CPD: variants seen among roughly 807,000 people sequenced by gnomAD.
CPD encodes carboxypeptidase D.
CPD carries 69 observed loss-of-function variants against 138.3 expected under a neutral mutation model. That is an observed-to-expected ratio of 0.50 (90% CI 0.41 to 0.61). The LOEUF is 0.61. CPD is among the 20% of genes least tolerant of loss of function. CPD has a pLI of 0.00. For missense variants in CPD, 1,432 were observed against 1,733.3 expected (o/e 0.83, Z 3.09); for synonymous variants, 651 against 642.1 (o/e 1.01, Z -0.21).
chr17:30,393,775 A>C (rs1439021763), intron 2 of CPD, among the ~76,000 whole-genome samples: 2 of 152,234 alleles, frequency 1.3e-5, no homozygotes, highest in Admixed American at 1.3e-4. Context: ...GGGAAGATGC[A>C]TCTGGTTCTG....
chr17:30,420,060 A>G (rs1304042770), intron 2 of CPD, among the ~76,000 whole-genome samples: 1 of 152,206 alleles, frequency 6.6e-6, no homozygotes, highest in Non-Finnish European at 1.5e-5. Flanking sequence ...ATCCACTAAA[A>G]ACAAGATGTG....
chr17:30,381,395 A>G (rs1217012568), intron 1 of CPD, among the ~76,000 whole-genome samples: 1 of 152,028 alleles, frequency 6.6e-6, no homozygotes, highest in Non-Finnish European at 1.5e-5. Context: ...TTGTGCTGTG[A>G]CCAAATATGA....
At chr17:30,433,104 C>T (rs1228060225) in intron 8 of CPD, among the ~76,000 whole-genome samples, 1 of 152,094 alleles carries the variant, frequency 6.6e-6, no homozygotes, top group Non-Finnish European at 1.5e-5. Flanking sequence ...GTCCTCCATC[C>T]TTCCACTTTT....
intron 2 of CPD, among the ~76,000 whole-genome samples, chr17:30,391,608 G>A (rs1235965788): frequency 6.6e-6 from 1 of 152,202 alleles, no homozygotes; most frequent in African/African-American, 2.4e-5. Flanking sequence ...CAAAGAGAGA[G>A]CTTTGGAATC....
chr17:30,401,485 C>T (rs1158927781), intron 2 of CPD, among the ~76,000 whole-genome samples: 2 of 150,798 alleles, frequency 1.3e-5, no homozygotes, highest in African/African-American at 4.9e-5. Context: ...TCTTCCTCTT[C>T]CTGTTATTAT....
intron 2 of CPD, among the ~76,000 whole-genome samples, chr17:30,388,705 C>T (rs1184593855): frequency 2.0e-5 from 3 of 152,158 alleles, no homozygotes; most frequent in African/African-American, 4.8e-5. Flanking sequence ...CAGCCCCAGC[C>T]GTGCCCCCTG....
chr17:30,388,678 C>T (rs965610479), intron 2 of CPD, among the ~76,000 whole-genome samples: 2 of 152,198 alleles, frequency 1.3e-5, no homozygotes, highest in African/African-American at 2.4e-5. Flanking sequence ...CAGCTCCCGC[C>T]GACTCAGTGG....
chr17:30,461,169 T>C lies in CPD; in HGVS notation c.3499-11T>C. Reference sequence around the variant, plus strand: ...ATTTTCCCACATTTGATTTTGAACTTTATATTCTAGGATTATAGTGTCACC... The same window carrying C: ...ATTTTCCCACATTTGATTTTGAACTCTATATTCTAGGATTATAGTGTCACC... On this transcript the variant is annotated splice_polypyrimidine_tract_variant and intron_variant, in intron 17 of 20. Transcript: ENST00000225719. 1 of 1,573,356 alleles carries C rather than the reference T, an allele frequency of 6.4e-7. No homozygotes were observed. Among genetic ancestry groups the C allele is most frequent in the Non-Finnish European group, 8.6e-7 (1 of 1,162,792 alleles).
In CPD at chr17:30,467,640, A is replaced by G. The variant is rs1913678350; in HGVS notation, c.*2826A>G. ...AATGGGATTTGCTGAATTAATGACT[A>G]TTGAATTTAAAACTAATTATGAGTT... On this transcript the variant is annotated 3_prime_UTR_variant, in exon 21 of 21. Transcript: ENST00000225719. 1.3e-5 allele frequency: 2 copies of G among 152,182 alleles called. No homozygotes were observed. The highest frequency in any genetic ancestry group is 6.5e-5 in the Admixed American group (1 of 15,274). 9.4% of individuals were successfully genotyped at this position (152,182 alleles called of 1,614,324 possible). A position where few individuals can be genotyped will look rare whatever the true frequency, so the allele number is the denominator to read the frequency against.
intron 2 of CPD, 82 bp downstream of exon 2, chr17:30,385,318 A>T: frequency 1.4e-6 from 2 of 1,456,522 alleles, no homozygotes; most frequent in South Asian, 1.4e-5. Flanking sequence ...AAAAGAAGAA[A>T]CTCTGTAGAA....
chr17:30,398,367 T>TA (rs1911564619), intron 2 of CPD, among the ~76,000 whole-genome samples: 1 of 152,352 alleles, frequency 6.6e-6, no homozygotes, highest in East Asian at 1.9e-4. Flanking sequence ...GGTGTGCCTG[T>TA]AACTGAATGT....
intron 6 of CPD, among the ~76,000 whole-genome samples, chr17:30,425,319 C>G (rs1487772457): frequency 6.6e-6 from 1 of 152,088 alleles, no homozygotes; most frequent in Non-Finnish European, 1.5e-5. Context: ...TGCTCTATTT[C>G]TTACAATGTC....
At chr17:30,461,368 C>G in intron 18 of CPD, 57 bp downstream of exon 18, 1 of 1,347,566 alleles carries the variant, frequency 7.4e-7, no homozygotes, top group Non-Finnish European at 9.8e-7. Context: ...CAGTGAAAAC[C>G]TTTATCAAAA....
intron 2 of CPD, 36 bp from the exon 3 acceptor site, chr17:30,420,805 C>T (rs754327664): frequency 2.3e-4 from 365 of 1,560,968 alleles, no homozygotes; most frequent in Non-Finnish European, 3.1e-4. Flanking sequence ...GAATTATTTT[C>T]CTTCTGAGAG....
Position 30,456,706 on chromosome 17 carries a change from G to A in CPD, c.3498+180G>A, listed in dbSNP as rs990127451. ...AAAATATAAAAATTAGCTGGGTGTG[G>A]TGGCAGACGCCCGTAATCCCAGCTA... On this transcript the variant is annotated intron_variant, in intron 17 of 20. Transcript: ENST00000225719. The A allele has an allele frequency of 1.3e-5, 7 of 530,854 alleles. No homozygotes were observed. The African/African-American group carries it at 1.3e-4, about 10-fold the overall frequency. 32.9% of individuals were successfully genotyped at this position (530,854 alleles called of 1,614,324 possible). A position where few individuals can be genotyped will look rare whatever the true frequency, so the allele number is the denominator to read the frequency against.
chr17:30,461,321 T>C lies in CPD; in HGVS notation c.3630+10T>C. On this transcript the variant is annotated intron_variant, in intron 18 of 20. Coordinates refer to ENST00000225719, the MANE Select transcript of CPD (RefSeq NM_001304.5). ...TAGTATGTTAGTGGAGGTGAGTCTT[T>C]TCCTTTTAACTAGAGGCAAACTCCC... 2 of 1,555,602 alleles carry C rather than the reference T, an allele frequency of 1.3e-6. No homozygotes were observed. Among genetic ancestry groups the C allele is most frequent in the Non-Finnish European group, 1.7e-6 (2 of 1,152,928 alleles).
At chr17:30,393,688 C>G (rs1911417936) in intron 2 of CPD, among the ~76,000 whole-genome samples, 1 of 152,120 alleles carries the variant, frequency 6.6e-6, no homozygotes, top group South Asian at 2.1e-4. Flanking sequence ...AGAATACTGT[C>G]CTTATATCTA....
chr17:30,464,922 T>G lies in CPD; in HGVS notation c.*108T>G. On this transcript the variant is annotated 3_prime_UTR_variant, in exon 21 of 21. Transcript: ENST00000225719. ...GACTCTCTTGCTTCTTCAAAGAGCT[T>G]TGGGAAATTAAATTGCTAAATTTGT... is the stretch of plus-strand genomic sequence containing the variant. The G allele has an allele frequency of 3.4e-6, 3 of 871,688 alleles. No individual in the cohort carries two copies. Among genetic ancestry groups the G allele is most frequent in the Non-Finnish European group, 5.4e-6 (3 of 559,450 alleles). The allele number at this position is 871,688 out of a possible 1,614,324, so 54.0% of individuals were successfully genotyped here.
At chr17:30,395,196 C>CTTTTT (rs35079822) in intron 2 of CPD, among the ~76,000 whole-genome samples, 1 of 97,812 alleles carries the variant, frequency 1.0e-5, no homozygotes, top group African/African-American at 3.8e-5. Context: ...CAGATGGGTG[C>CTTTTT]TTTTTTTTTT....
Sources: allele counts gnomAD v4.1 joint callset (sites outside exome capture counted in the v4.1 genomes callset), GRCh38; gene constraint gnomAD v4.1.1; transcripts MANE v1.5; gene names NCBI Gene and HGNC (gene_info 2026-07-23, HGNC 2026-07-21).